The following KHDRBS2 variants were observed in gnomAD, a reference collection of about 807,000 sequenced individuals.
KHDRBS2 encodes KH domain-containing, RNA-binding, signal transduction-associated protein 2.
A neutral mutation model predicts 44.3 loss-of-function variants in KHDRBS2; 26 were observed. That is an observed-to-expected ratio of 0.59 (90% CI 0.43 to 0.81). The LOEUF (loss-of-function observed/expected upper bound fraction) is 0.81, where lower values mean the gene tolerates loss of function less well. Among genes scored for constraint, KHDRBS2 ranks in the 40% least tolerant of loss-of-function variants. The probability of loss-of-function intolerance (pLI) is 0.00; values close to 1 mark genes in which losing one functional copy is unlikely to be tolerated. For missense variants in KHDRBS2, 476 were observed against 433.1 expected, an observed-to-expected ratio of 1.10 and a Z score of -0.88; for synonymous variants, 194 against 151.1, an observed-to-expected ratio of 1.28 and a Z score of -2.08.
intron 1 of KHDRBS2, among the ~76,000 whole-genome samples, chr6:62,234,770 C>T (rs1205980913): frequency 6.6e-6 from 1 of 152,072 alleles, no homozygotes; most frequent in Admixed American, 6.5e-5. Flanking sequence ...AGAAGAACTT[C>T]TAACACCACC....
Position 61,697,210 on chromosome 6 carries a change from C to A in KHDRBS2, c.937G>T (p.Ala313Ser), listed in dbSNP as rs1204533532. 2 of 1,608,530 alleles carry A rather than the reference C, an allele frequency of 1.2e-6. No individual in the cohort carries two copies. The highest frequency in any genetic ancestry group is 1.7e-6 in the Non-Finnish European group (2 of 1,175,184). ...AAGGTCTTACCGTAGCTGTCATAGG[C>A]ATCCTCACTTACTCCATGACCGTAG... ...YDYGHGVSED[A>S]YDSYAPEEWA... Residue 313 changes from alanine to serine, a missense_variant, in exon 8 of 9, where the codon GCC becomes TCC. Coordinates refer to ENST00000281156, the MANE Select transcript of KHDRBS2 (RefSeq NM_152688.4).
At chr6:61,674,845 C>T in the KHDRBS2 span, among the ~76,000 whole-genome samples, 16 of 151,486 alleles carry the variant, frequency 1.1e-4, no homozygotes, top group Non-Finnish European at 4.4e-5. Flanking sequence ...CTACAAACTT[C>T]GGTATTACAT....
chr6:61,557,118 C>T, the KHDRBS2 span, among the ~76,000 whole-genome samples: 4 of 151,954 alleles, frequency 2.6e-5, no homozygotes, highest in Non-Finnish European at 5.9e-5. Flanking sequence ...TCTTGGGACC[C>T]CAGAGATCTG....
intron 2 of KHDRBS2, among the ~76,000 whole-genome samples, chr6:62,068,940 ATTTC>A (rs1367610077): frequency 6.6e-6 from 1 of 151,556 alleles, no homozygotes; most frequent in Non-Finnish European, 1.5e-5. Context: ...AGTTCTTTAA[ATTTC>A]TTTTTCATTT....
chr6:61,874,237 T>C (rs549877098), intron 6 of KHDRBS2, among the ~76,000 whole-genome samples: 2 of 152,298 alleles, frequency 1.3e-5, no homozygotes, highest in South Asian at 2.1e-4. Flanking sequence ...ATAGCTTTAA[T>C]AGTATATGTC....
intron 3 of KHDRBS2, among the ~76,000 whole-genome samples, chr6:61,992,012 A>G (rs533605367): frequency 6.6e-6 from 1 of 152,352 alleles, no homozygotes; most frequent in South Asian, 2.1e-4. Flanking sequence ...AAGCACCATT[A>G]GGACCTATAA....
At chr6:62,270,488 T>C (rs1162611035) in intron 1 of KHDRBS2, among the ~76,000 whole-genome samples, 1 of 151,974 alleles carries the variant, frequency 6.6e-6, no homozygotes, top group Non-Finnish European at 1.5e-5. Context: ...ACCTATTTTC[T>C]TTATAAATTA....
intron 6 of KHDRBS2, among the ~76,000 whole-genome samples, chr6:61,735,585 CT>C (rs1282389237): frequency 3.9e-5 from 6 of 152,098 alleles, no homozygotes; most frequent in Non-Finnish European, 7.4e-5. Flanking sequence ...GTTCCCCAAC[CT>C]TTTATTGCTT....
chr6:61,775,555 G>T (rs570640406), intron 6 of KHDRBS2, among the ~76,000 whole-genome samples: 1 of 152,048 alleles, frequency 6.6e-6, no homozygotes, highest in South Asian at 2.1e-4. Flanking sequence ...GCTTCAAAGA[G>T]AATAAAATAC....
chr6:62,024,558 G>A (rs1782950411), intron 3 of KHDRBS2, among the ~76,000 whole-genome samples: 1 of 151,406 alleles, frequency 6.6e-6, no homozygotes. Context: ...GCAAAATATT[G>A]TGATAGTAAT....
chr6:62,044,174 C>A (rs181732331), intron 3 of KHDRBS2, among the ~76,000 whole-genome samples: 1 of 151,900 alleles, frequency 6.6e-6, no homozygotes, highest in African/African-American at 2.4e-5. Context: ...AGCCTCCAGT[C>A]TCCCGCTTAA....
rs1237289698 is a variant in KHDRBS2 at position 61,901,338 on chromosome 6, G to A, written c.517C>T (p.Arg173Cys). 3 of 1,612,470 alleles carry A rather than the reference G, an allele frequency of 1.9e-6. No homozygotes were observed. The highest frequency in any genetic ancestry group is 1.3e-5 in the African/African-American group (1 of 74,744). The change falls in exon 5 of 9, where the codon CGT becomes TGT. Residue 173 changes from arginine to cysteine, a missense_variant. Coordinates refer to ENST00000281156, the MANE Select transcript of KHDRBS2 (RefSeq NM_152688.4). ...GAGCCATTTAAGTAAGATAATTCAC[G>A]TAGTTGTTCCTGACGAATTTCATCA... ...YNDEIRQEQL[R>C]ELSYLNGSED...
At chr6:61,711,973 C>T (rs958705714) in intron 7 of KHDRBS2, among the ~76,000 whole-genome samples, 11 of 151,738 alleles carry the variant, frequency 7.2e-5, no homozygotes, top group Non-Finnish European at 1.2e-4. Flanking sequence ...CTGATCTAGG[C>T]TGGGCTTCCT....
chr6:61,601,566 G>A, the KHDRBS2 span, among the ~76,000 whole-genome samples: 9 of 152,132 alleles, frequency 5.9e-5, no homozygotes, highest in African/African-American at 9.6e-5. Context: ...GGTGCCTGAC[G>A]TCCAGGCATT....
intron 6 of KHDRBS2, among the ~76,000 whole-genome samples, chr6:61,870,276 G>C (rs868465575): frequency 1.3e-5 from 2 of 152,172 alleles, no homozygotes; most frequent in Non-Finnish European, 2.9e-5. Flanking sequence ...ACAGCCACTG[G>C]GAAGTTCGAA....
chr6:62,247,980 G>T (rs176603), intron 1 of KHDRBS2, among the ~76,000 whole-genome samples: 28,062 of 151,746 alleles, frequency 0.18, 2,991 homozygotes, highest in African/African-American at 0.3. Flanking sequence ...AATAGTAGTC[G>T]AAAACAAGTA....
At chr6:62,028,881 T>G (rs71568783) in intron 3 of KHDRBS2, among the ~76,000 whole-genome samples, 2 of 152,086 alleles carry the variant, frequency 1.3e-5, no homozygotes, top group Admixed American at 1.3e-4. Flanking sequence ...TCTTAGTGTA[T>G]GAAAAACATG....
intron 4 of KHDRBS2, among the ~76,000 whole-genome samples, chr6:61,923,304 C>A (rs563491798): frequency 2.9e-4 from 44 of 151,864 alleles, no homozygotes; most frequent in African/African-American, 9.7e-4. Flanking sequence ...GTAATATCAC[C>A]GCAGATTATG....
intron 6 of KHDRBS2, among the ~76,000 whole-genome samples, chr6:61,804,704 T>C (rs1018246006): frequency 1.3e-5 from 2 of 152,202 alleles, no homozygotes; most frequent in African/African-American, 4.8e-5. Context: ...TTCCAAAGCT[T>C]ATGGCTTGCA....
Sources: allele counts gnomAD v4.1 joint callset (sites outside exome capture counted in the v4.1 genomes callset), GRCh38; gene constraint gnomAD v4.1.1; transcripts MANE v1.5; gene names NCBI Gene and HGNC (gene_info 2026-07-23, HGNC 2026-07-21).